Variants in ZNF638 observed in about 807,000 individuals in gnomAD.
ZNF638 encodes the protein CTCL tumor antigen se33-1.
A neutral mutation model predicts 195.6 loss-of-function variants in ZNF638; 46 were observed. The ratio of observed to expected loss-of-function variants is 0.24; its 90% CI spans 0.19 to 0.30. ZNF638 has a LOEUF of 0.30. ZNF638 is among the 10% of genes least tolerant of loss of function. ZNF638 has a pLI of 1.00. For synonymous variants in ZNF638, 845 were observed against 772.0 expected (o/e 1.09, Z -1.57); for missense variants, 2,440 against 2,325.3 (o/e 1.05, Z -1.01).
At position 71,426,620 on chromosome 2, in the gene ZNF638, G is replaced by A; in HGVS notation, c.4751G>A (p.Gly1584Glu). Residue 1584 changes from glycine to glutamate, a missense_variant, in exon 24 of 28, where the codon GGG becomes GAG. By Grantham distance (98) the Gly-to-Glu change is moderately conservative (BLOSUM62 -2). Around this residue, in one of 5 missense-constraint regions of ZNF638, gnomAD observed 1,883 missense variants for 1,739.1 expected, o/e 1.08. Coordinates refer to ENST00000264447, the MANE Select transcript of ZNF638 (RefSeq NM_014497.5). ...FSELNLKKKK[G>E]KTSTPRGVEG... ...GAACTTAACTTAAAGAAGAAAAAGG[G>A]GAAAACTTCCACTCCTCGTGGTGTT... The A allele has an allele frequency of 1.2e-6, 2 of 1,614,088 alleles. No individual in the cohort carries two copies. Among genetic ancestry groups the A allele is most frequent in the South Asian group, 2.2e-5 (2 of 91,064 alleles).
At chr2:71,346,717 G>T (rs866901080) in intron 1 of ZNF638, among the ~76,000 whole-genome samples, 1 of 152,026 alleles carries the variant, frequency 6.6e-6, no homozygotes, top group Non-Finnish European at 1.5e-5. Context: ...TCCAAAAATG[G>T]TGCAAGCAAT....
At chr2:71,395,585 G>T in intron 10 of ZNF638, 2 of 594,588 alleles carry the variant, frequency 3.4e-6, no homozygotes, top group Non-Finnish European at 6.2e-6. Context: ...TTGCGCGCAG[G>T]ACTGCTCCCA....
rs79404456 is a variant in ZNF638, at chr2:71,406,231, A to G, written c.3104A>G (p.Asp1035Gly). 5 of 1,612,600 alleles carry G rather than the reference A, an allele frequency of 3.1e-6. No homozygotes were observed. In the African/African-American group the frequency reaches 5.3e-5, roughly 17 times the overall value. The change falls in exon 19 of 28, where the codon GAT becomes GGT. Residue 1035 changes from aspartate (D) to glycine (G), a missense_variant. Asp to Gly is a moderately conservative substitution (Grantham distance 94, BLOSUM62 -1). Around this residue, in one of 5 missense-constraint regions of ZNF638, gnomAD observed 1,883 missense variants for 1,739.1 expected, o/e 1.08. Transcript: ENST00000264447. The stretch of plus-strand genomic sequence containing the variant: ...GTTGGACTTCAGTTTGGAAAAGTGG[A>G]TCACCATGTATTCATAAGTAATAGA... ...LCVGLQFGKV[D>G]HHVFISNRNK...
chr2:71,400,105 C>T lies in ZNF638; in HGVS notation c.2588-7C>T. On this transcript the variant is annotated splice_polypyrimidine_tract_variant and splice_region_variant and intron_variant, in intron 13 of 27. Coordinates refer to ENST00000264447, the MANE Select transcript of ZNF638 (RefSeq NM_014497.5). Reference sequence around the variant, plus strand: ...ACTAGACTATTAAAGCAGACTATTTCATGCAGAAAACTCTGAAATAAAGAC... The same window carrying T: ...ACTAGACTATTAAAGCAGACTATTTTATGCAGAAAACTCTGAAATAAAGAC... 1.3e-6 allele frequency: 2 copies of T among 1,597,888 alleles called. No individual in the cohort carries two copies. Among genetic ancestry groups the T allele is most frequent in the Non-Finnish European group, 1.7e-6 (2 of 1,173,642 alleles).
chr2:71,419,469 C>T (rs919306467), intron 21 of ZNF638, among the ~76,000 whole-genome samples: 4 of 152,104 alleles, frequency 2.6e-5, no homozygotes, highest in African/African-American at 7.2e-5. Context: ...AAAAACAGAA[C>T]GTCTTAGCGG....
In ZNF638 at chr2:71,421,462, G is replaced by A. The variant is rs545251580; in HGVS notation, c.3300-1352G>A. Among the ~76,000 whole-genome samples the A allele has an allele frequency of 8.6e-4, 131 of 152,226 alleles. 2 individuals carry two copies. The highest frequency in any genetic ancestry group is 1.4e-3 in the Admixed American group (21 of 15,294). On this transcript the variant is annotated intron_variant, in intron 21 of 27. Coordinates refer to ENST00000264447, the MANE Select transcript of ZNF638 (RefSeq NM_014497.5). Reference sequence around the variant, plus strand: ...GGTCAAGAGGTATTTCTCTAATCTGGTAGAAAAGTTTTCTCCTCAGGATGT... The same window carrying A: ...GGTCAAGAGGTATTTCTCTAATCTGATAGAAAAGTTTTCTCCTCAGGATGT...
At chr2:71,348,590 A>G (rs1294927670) in intron 1 of ZNF638, 163 bp from the exon 2 acceptor site, 1 of 1,199,596 alleles carries the variant, frequency 8.3e-7, no homozygotes, top group Non-Finnish European at 1.1e-6. Context: ...AAGAAGAGAA[A>G]GTTTTTGGGA....
chr2:71,372,361 A>G (rs1178579893), intron 8 of ZNF638, among the ~76,000 whole-genome samples: 2 of 152,204 alleles, frequency 1.3e-5, no homozygotes, highest in Non-Finnish European at 2.9e-5. Flanking sequence ...GGTCTGGTCC[A>G]AAGGCTCCTT....
At chr2:71,368,078 C>G (rs977831440) in intron 6 of ZNF638, among the ~76,000 whole-genome samples, 8 of 152,136 alleles carry the variant, frequency 5.3e-5, no homozygotes, top group Non-Finnish European at 1.2e-4. Context: ...TTGGAACATT[C>G]CATAGATCTT....
At chr2:71,408,670 G>T (rs949779017) in intron 20 of ZNF638, 2 of 386,706 alleles carry the variant, frequency 5.2e-6, no homozygotes, top group South Asian at 2.1e-5. Context: ...CAGGTTCTTG[G>T]CCTACACAGT....
intron 8 of ZNF638, among the ~76,000 whole-genome samples, chr2:71,377,122 A>T (rs2079444446): frequency 2.0e-5 from 3 of 152,030 alleles, no homozygotes; most frequent in Admixed American, 2.0e-4. Flanking sequence ...AAAATTAAAA[A>T]ATTGACCTAG....
chr2:71,336,801 C>T (rs1048150237), intron 1 of ZNF638, among the ~76,000 whole-genome samples: 8 of 152,104 alleles, frequency 5.3e-5, no homozygotes, highest in African/African-American at 1.9e-4. Flanking sequence ...GCAGCAGGAC[C>T]AGAGTTAAAA....
At chr2:71,405,073 C>A (rs1400527665) in intron 17 of ZNF638, among the ~76,000 whole-genome samples, 1 of 152,064 alleles carries the variant, frequency 6.6e-6, no homozygotes, top group Non-Finnish European at 1.5e-5. Context: ...AGTTTAGGAT[C>A]CTCAGTCTTA....
intron 21 of ZNF638, among the ~76,000 whole-genome samples, chr2:71,418,981 A>G (rs897814162): frequency 6.6e-6 from 1 of 152,250 alleles, no homozygotes; most frequent in African/African-American, 2.4e-5. Flanking sequence ...AGATTTTCCT[A>G]TTCCAAAATA....
intron 18 of ZNF638, 144 bp downstream of exon 18, chr2:71,405,786 A>G (rs963282901): frequency 2.9e-6 from 2 of 690,536 alleles, no homozygotes; most frequent in Non-Finnish European, 4.7e-6. Flanking sequence ...CTTCTTGGTA[A>G]CAATAAAAAA....
intron 10 of ZNF638, among the ~76,000 whole-genome samples, chr2:71,390,572 C>T (rs1357044138): frequency 6.6e-6 from 1 of 152,170 alleles, no homozygotes; most frequent in East Asian, 1.9e-4. Context: ...ACTATTCTTA[C>T]CGTACTGGGT....
In ZNF638 at chr2:71,349,967, C is replaced by T. The variant is rs201306909; in HGVS notation, c.1013C>T (p.Ser338Leu). 1.6e-5 allele frequency: 26 copies of T among 1,614,170 alleles called. No homozygotes were observed. The highest frequency in any genetic ancestry group is 8.3e-5 in the Admixed American group (5 of 60,030). Residue 338 changes from serine (S) to leucine (L), a missense_variant, in exon 2 of 28, where the codon TCG becomes TTG. By Grantham distance (145) the Ser-to-Leu change is moderately radical. Coordinates refer to ENST00000264447, the MANE Select transcript of ZNF638 (RefSeq NM_014497.5). ...CCATCTATGAACCAGCAACCTTTTTCGTCGGAATTAATTTCATCTGTAAGC... is the reference window on the plus strand; with the variant it reads ...CCATCTATGAACCAGCAACCTTTTTTGTCGGAATTAATTTCATCTGTAAGC... ...IPPSMNQQPF[S>L]SELISSVSQQ...
At chr2:71,375,763 T>C (rs2079409689) in intron 8 of ZNF638, 1 of 152,208 alleles carries the variant, frequency 6.6e-6, no homozygotes, top group Admixed American at 6.5e-5. Context: ...GGCAAATGAT[T>C]TTGAAGGCAA....
chr2:71,363,803 TAACA>T (rs1244432980), intron 4 of ZNF638, 147 bp from the exon 5 acceptor site: 4 of 930,322 alleles, frequency 4.3e-6, no homozygotes, highest in Non-Finnish European at 6.2e-6. Context: ...AATTACATCA[TAACA>T]AACAGATTTT....
Sources: allele counts gnomAD v4.1 joint callset (sites outside exome capture counted in the v4.1 genomes callset), GRCh38; gene constraint gnomAD v4.1.1; regional missense constraint gnomAD v4.1.1; transcripts MANE v1.5; gene names NCBI Gene and HGNC (gene_info 2026-07-23, HGNC 2026-07-21).